Variants in LNPEP observed in about 807,000 individuals in gnomAD.
The protein encoded by LNPEP is leucyl and cystinyl aminopeptidase.
A neutral mutation model predicts 120.6 loss-of-function variants in LNPEP; 64 were observed. The observed-to-expected ratio is 0.53, with a 90% CI of 0.43 to 0.65. The LOEUF (loss-of-function observed/expected upper bound fraction) is 0.65, where lower values mean the gene tolerates loss of function less well. LNPEP is among the 30% of genes least tolerant of loss of function. The pLI is 0.00. For synonymous variants in LNPEP, 435 were observed against 425.4 expected (o/e 1.02, Z -0.28); for missense variants, 1,057 against 1,200.0 (o/e 0.88, Z 1.76).
At chr5:97,019,033 C>T (rs892890801) in intron 13 of LNPEP, among the ~76,000 whole-genome samples, 8 of 152,156 alleles carry the variant, frequency 5.3e-5, no homozygotes, top group East Asian at 1.9e-4. Flanking sequence ...TTTTAAGAAA[C>T]TCAGTTGACC....
intron 1 of LNPEP, among the ~76,000 whole-genome samples, chr5:96,940,803 G>T (rs1421804526): frequency 2.6e-5 from 4 of 152,200 alleles, no homozygotes; most frequent in Non-Finnish European, 5.9e-5. Context: ...GGTGAGGTCA[G>T]TGCAGCTATG....
chr5:96,992,952 A>G, intron 4 of LNPEP, 63 bp from the exon 5 acceptor site: 2 of 1,259,808 alleles, frequency 1.6e-6, no homozygotes, highest in South Asian at 3.0e-5. Flanking sequence ...TGACAGTGCT[A>G]CTTGAGTATC....
intron 14 of LNPEP, 94 bp from the exon 15 acceptor site, chr5:97,024,427 A>T: frequency 8.7e-7 from 1 of 1,152,956 alleles, no homozygotes; most frequent in Non-Finnish European, 1.2e-6. Flanking sequence ...ATTATTACCA[A>T]CCCTCACACC....
At chr5:96,970,225 A>C (rs1789828579) in intron 1 of LNPEP, among the ~76,000 whole-genome samples, 1 of 151,994 alleles carries the variant, frequency 6.6e-6, no homozygotes, top group Admixed American at 6.6e-5. Flanking sequence ...CCGTGACCTT[A>C]CTTATTTGTT....
At position 97,035,761 on chromosome 5, in the gene LNPEP, A is replaced by G. The variant is rs186993786; in HGVS notation, c.*7228A>G. The G allele has an allele frequency of 2.1e-4, 32 of 152,306 alleles. No individual in the cohort carries two copies. The highest frequency in any genetic ancestry group is 6.7e-4 in the African/African-American group (28 of 41,582). 9.4% of individuals were successfully genotyped at this position (152,306 alleles called of 1,614,324 possible). On this transcript the variant is annotated 3_prime_UTR_variant, in exon 18 of 18. Transcript: ENST00000231368. ...AATAAAGACCTACTAAATCCCTGCC[A>G]TCTGGCTGGAAGGTGTAGCAGTGTA...
intron 1 of LNPEP, among the ~76,000 whole-genome samples, chr5:96,949,256 A>G (rs1045441944): frequency 6.6e-6 from 1 of 152,252 alleles, no homozygotes; most frequent in Non-Finnish European, 1.5e-5. Flanking sequence ...CATGCTAGGA[A>G]CTGGGCTTCA....
intron 1 of LNPEP, among the ~76,000 whole-genome samples, chr5:96,973,408 G>A (rs1023703304): frequency 6.6e-6 from 1 of 151,796 alleles, no homozygotes; most frequent in Non-Finnish European, 1.5e-5. Context: ...ATGATACTTA[G>A]TCATCACTTT....
chr5:96,992,422 T>C (rs1310781719), intron 4 of LNPEP, among the ~76,000 whole-genome samples: 5 of 152,212 alleles, frequency 3.3e-5, no homozygotes, highest in Non-Finnish European at 5.9e-5. Flanking sequence ...AAACTGGCTG[T>C]GCCATACTTA....
At chr5:97,017,073 A>T (rs1791086072) in intron 13 of LNPEP, among the ~76,000 whole-genome samples, 1 of 152,190 alleles carries the variant, frequency 6.6e-6, no homozygotes, top group Non-Finnish European at 1.5e-5. Flanking sequence ...AGTTCTTCAA[A>T]GTTGTACCAA....
Position 96,979,662 on chromosome 5 carries a change from C to T in LNPEP, c.544C>T (p.His182Tyr). ...GCCACTACGCTATGAACTCAGCCTA[C>T]ACCCGAACCTAACCTCGATGACATT... Reference protein sequence around the residue: ...VVPLRYELSLHPNLTSMTFRG... With the variant: ...VVPLRYELSLYPNLTSMTFRG... The change falls in exon 2 of 18, where the codon CAC (histidine) becomes TAC (tyrosine). Residue 182 changes from histidine (H) to tyrosine (Y), a missense_variant. Coordinates refer to ENST00000231368, the MANE Select transcript of LNPEP (RefSeq NM_005575.3). 2 of 1,614,132 alleles carry T rather than the reference C, an allele frequency of 1.2e-6. No individual in the cohort carries two copies. The highest frequency in any genetic ancestry group is 1.7e-5 in the Admixed American group (1 of 60,008).
intron 2 of LNPEP, among the ~76,000 whole-genome samples, chr5:96,984,752 A>G (rs1289467375): frequency 6.6e-6 from 1 of 152,196 alleles, no homozygotes; most frequent in African/African-American, 2.4e-5. Flanking sequence ...CACTCTTTCC[A>G]GAGTATACTT....
At chr5:96,986,766 A>G (rs1790254043) in intron 4 of LNPEP, 96 bp downstream of exon 4, 3 of 1,149,900 alleles carry the variant, frequency 2.6e-6, no homozygotes, top group South Asian at 1.8e-5. Flanking sequence ...TGTGAAATAA[A>G]TAAGCTTTTA....
Position 97,014,936 on chromosome 5 carries a change from T to C in LNPEP, c.2220-3T>C. The C allele has an allele frequency of 1.3e-6, 2 of 1,537,010 alleles. No homozygotes were observed. The highest frequency in any genetic ancestry group is 2.4e-5 in the East Asian group (1 of 41,192). On this transcript the variant is annotated splice_polypyrimidine_tract_variant and splice_region_variant and intron_variant, in intron 12 of 17. Coordinates refer to ENST00000231368, the MANE Select transcript of LNPEP (RefSeq NM_005575.3). ...TTACTTTTCCTGTTCTTTTATCCTT[T>C]AGCCTAGGCAAGGTACCTCTCAAGA...
chr5:97,021,761 G>A (rs533097627), intron 13 of LNPEP, among the ~76,000 whole-genome samples: 1 of 152,042 alleles, frequency 6.6e-6, no homozygotes, highest in South Asian at 2.1e-4. Flanking sequence ...GCAGCCTTAT[G>A]CATAGCCTTA....
At chr5:96,965,470 G>A (rs1789704712) in intron 1 of LNPEP, among the ~76,000 whole-genome samples, 1 of 151,960 alleles carries the variant, frequency 6.6e-6, no homozygotes. Context: ...GTTATTTTGA[G>A]GACTCATTTT....
chr5:97,001,845 T>TA (rs1266731844), intron 8 of LNPEP, among the ~76,000 whole-genome samples: 1 of 152,048 alleles, frequency 6.6e-6, no homozygotes, highest in Non-Finnish European at 1.5e-5. Flanking sequence ...GTGACCTTGA[T>TA]AAAAATACTT....
At chr5:97,024,352 C>G (rs1265504075) in intron 14 of LNPEP, among the ~76,000 whole-genome samples, 169 bp from the exon 15 acceptor site, 1 of 152,184 alleles carries the variant, frequency 6.6e-6, no homozygotes, top group African/African-American at 2.4e-5. Context: ...AGACACACTA[C>G]TAGGAAGATA....
At chr5:96,967,588 A>G (rs1159973041) in intron 1 of LNPEP, among the ~76,000 whole-genome samples, 1 of 152,088 alleles carries the variant, frequency 6.6e-6, no homozygotes, top group African/African-American at 2.4e-5. Flanking sequence ...AGTGACTCAG[A>G]TCCCATAGTC....
intron 8 of LNPEP, among the ~76,000 whole-genome samples, chr5:97,000,166 G>A (rs947206952): frequency 3.9e-5 from 6 of 152,062 alleles, no homozygotes; most frequent in African/African-American, 1.4e-4. Flanking sequence ...TGAAAATAAA[G>A]CATGATAAGG....
Sources: allele counts gnomAD v4.1 joint callset (sites outside exome capture counted in the v4.1 genomes callset), GRCh38; gene constraint gnomAD v4.1.1; transcripts MANE v1.5; gene names NCBI Gene and HGNC (gene_info 2026-07-23, HGNC 2026-07-21).